The following GPD2 variants were observed in gnomAD, a reference collection of about 807,000 sequenced individuals.
GPD2 encodes glycerol-3-phosphate dehydrogenase 2.
Under a neutral mutation model 82.4 loss-of-function variants are expected in GPD2, and 54 were observed. The ratio of observed to expected loss-of-function variants is 0.66; its 90% CI spans 0.53 to 0.82. The LOEUF is 0.82. Among genes scored for constraint, GPD2 ranks in the 40% least tolerant of loss-of-function variants. The probability of loss-of-function intolerance (pLI) is 0.00; values close to 1 mark genes in which losing one functional copy is unlikely to be tolerated. For synonymous variants in GPD2, 288 were observed against 306.1 expected (o/e 0.94, Z 0.62); for missense variants, 748 against 896.2 (o/e 0.83, Z 2.11).
chr2:156,412,116 AC>A, the GPD2 span, among the ~76,000 whole-genome samples: 1 of 152,116 alleles, frequency 6.6e-6, no homozygotes, highest in Non-Finnish European at 1.5e-5. Context: ...TGTATGAAAA[AC>A]TTGCCCCATT....
At chr2:156,557,744 G>A (rs377110341) in intron 9 of GPD2, among the ~76,000 whole-genome samples, 162 bp downstream of exon 9, 2 of 152,234 alleles carry the variant, frequency 1.3e-5, no homozygotes, top group African/African-American at 4.8e-5. Flanking sequence ...ACATAATGGG[G>A]AGAAATTGCC....
chr2:156,522,673 GT>G (rs1177846723), intron 6 of GPD2, among the ~76,000 whole-genome samples: 1 of 125,594 alleles, frequency 8.0e-6, no homozygotes, highest in Non-Finnish European at 1.7e-5. Context: ...GCAGAGTGTG[GT>G]TTTTTAAGCT....
the GPD2 span, among the ~76,000 whole-genome samples, chr2:156,400,499 G>T: frequency 6.6e-6 from 1 of 152,224 alleles, no homozygotes; most frequent in African/African-American, 2.4e-5. Context: ...GCAGGGCACC[G>T]GATCCCTCCA....
At chr2:156,491,074 C>T (rs1017032304) in intron 2 of GPD2, among the ~76,000 whole-genome samples, 1 of 152,168 alleles carries the variant, frequency 6.6e-6, no homozygotes, top group African/African-American at 2.4e-5. Flanking sequence ...TCAGCCTCAC[C>T]ATTCTTTCAT....
the GPD2 span, among the ~76,000 whole-genome samples, chr2:156,400,759 C>T: frequency 1.2e-4 from 18 of 152,326 alleles, no homozygotes; most frequent in South Asian, 6.2e-4. Flanking sequence ...CAGAAATATG[C>T]TTTCGGCTGG....
chr2:156,569,456 T>C lies in GPD2; in HGVS notation c.1394T>C (p.Val465Ala), dbSNP rs781336345. ...HNLKAGPSRT[V>A]GLFLQGGKDW... is the part of the protein sequence containing the mutation. The stretch of plus-strand genomic sequence containing the variant: ...TTAAAAGCAGGACCAAGTAGAACAG[T>C]TGGGCTTTTCCTTCAAGGGGGTAAA... The change falls in exon 11 of 17, where the codon GTT (valine) becomes GCT (alanine). Residue 465 changes from valine to alanine, a missense_variant. Coordinates refer to ENST00000438166, the MANE Select transcript of GPD2 (RefSeq NM_000408.5). The C allele has an allele frequency of 1.9e-6, 3 of 1,611,688 alleles. No individual in the cohort carries two copies. The highest frequency in any genetic ancestry group is 2.2e-5 in the South Asian group (2 of 91,038).
At chr2:156,498,123 C>T (rs1031830366) in intron 3 of GPD2, among the ~76,000 whole-genome samples, 31 of 152,154 alleles carry the variant, frequency 2.0e-4, no homozygotes, top group African/African-American at 6.8e-4. Flanking sequence ...TATCTGCAGG[C>T]ATTTTCATGC....
At chr2:156,540,849 A>C (rs1311791064) in intron 6 of GPD2, among the ~76,000 whole-genome samples, 1 of 152,232 alleles carries the variant, frequency 6.6e-6, no homozygotes, top group Non-Finnish European at 1.5e-5. Flanking sequence ...AACAGTATTC[A>C]TGCAGTGCAG....
upstream of GPD2, among the ~76,000 whole-genome samples, chr2:156,430,395 T>G (rs1046606390): frequency 1.7e-4 from 26 of 152,170 alleles, no homozygotes; most frequent in Admixed American, 2.6e-4. Context: ...GGATTAAGGA[T>G]TACATCACCT....
intron 3 of GPD2, among the ~76,000 whole-genome samples, chr2:156,502,219 G>A (rs571896437): frequency 6.6e-6 from 1 of 151,754 alleles, no homozygotes; most frequent in African/African-American, 2.4e-5. Flanking sequence ...ATTAGAAGCA[G>A]GTATATGTAA....
the GPD2 span, among the ~76,000 whole-genome samples, chr2:156,419,878 T>C: frequency 1.3e-5 from 2 of 152,254 alleles, no homozygotes; most frequent in Admixed American, 1.3e-4. Context: ...ACATGAAAGG[T>C]GATGCTGACT....
intron 2 of GPD2, among the ~76,000 whole-genome samples, chr2:156,480,092 C>T (rs140817123): frequency 5.3e-4 from 81 of 152,290 alleles, no homozygotes; most frequent in African/African-American, 1.9e-3. Flanking sequence ...ACTTGGAGGT[C>T]ATCTTATCCA....
rs1687326509 is a variant in GPD2 at position 156,564,970 on chromosome 2, T to C, written c.1166-3855T>C. Among the ~76,000 whole-genome samples, 3 of 152,104 alleles carry C rather than the reference T, an allele frequency of 2.0e-5. No individual in the cohort carries two copies. The South Asian group carries it at 6.2e-4, about 31-fold the overall frequency. ...CCAGGAGTATTAAAAATGGTATCAA[T>C]ATAGATAATGTTTTACATAGTGTTC... On this transcript the variant is annotated intron_variant, in intron 9 of 16. Transcript: ENST00000438166.
chr2:156,412,228 G>A, the GPD2 span, among the ~76,000 whole-genome samples: 1 of 152,076 alleles, frequency 6.6e-6, no homozygotes, highest in South Asian at 2.1e-4. Context: ...TTGAGGTCAG[G>A]AGTTCGAGAC....
In GPD2 at chr2:156,570,173, T is replaced by C. The variant is rs1235481861; in HGVS notation, c.1563T>C (p.Ile521=). ...GTGTGACTGGCAAAAGGTGGCCTAT[T>C]GTTGGAGTACGTCTTGTGTCAGAAT... ...MASVTGKRWP[I]VGVRLVSEFP... The change falls in exon 12 of 17, where the codon ATT becomes ATC. Residue 521 remains isoleucine (I), a synonymous_variant. Transcript: ENST00000438166. 1 of 1,613,086 alleles carries C rather than the reference T, an allele frequency of 6.2e-7. No individual in the cohort carries two copies.
intron 6 of GPD2, among the ~76,000 whole-genome samples, chr2:156,523,152 G>A (rs867838843): frequency 6.6e-6 from 1 of 151,948 alleles, no homozygotes; most frequent in African/African-American, 2.4e-5. Flanking sequence ...ACATTCTGTC[G>A]GCTCTGATAA....
intron 9 of GPD2, among the ~76,000 whole-genome samples, chr2:156,568,308 G>GGTA (rs1383627236): frequency 6.6e-6 from 1 of 152,104 alleles, no homozygotes; most frequent in African/African-American, 2.4e-5. Context: ...TTTGCACAGT[G>GGTA]GTAGGCCTGC....
chr2:156,546,048 C>G (rs1015189181), intron 6 of GPD2, among the ~76,000 whole-genome samples: 3 of 152,134 alleles, frequency 2.0e-5, no homozygotes, highest in African/African-American at 7.2e-5. Context: ...TTTCTCTAAA[C>G]AAGAGAAAAC....
intron 1 of GPD2, among the ~76,000 whole-genome samples, chr2:156,469,310 C>T (rs1408375992): frequency 6.6e-6 from 1 of 152,084 alleles, no homozygotes; most frequent in Non-Finnish European, 1.5e-5. Flanking sequence ...TTACAGGCAC[C>T]CACCACCACG....
Sources: allele counts gnomAD v4.1 joint callset (sites outside exome capture counted in the v4.1 genomes callset), GRCh38; gene constraint gnomAD v4.1.1; transcripts MANE v1.5; gene names NCBI Gene and HGNC (gene_info 2026-07-23, HGNC 2026-07-21).